Variants in NFIA observed in about 807,000 individuals in gnomAD.
NFIA encodes the protein nuclear factor I A.
A neutral mutation model predicts 62.8 loss-of-function variants in NFIA; 8 were observed. The ratio of observed to expected loss-of-function variants is 0.13; its 90% confidence interval spans 0.07 to 0.23. The LOEUF (loss-of-function observed/expected upper bound fraction) is 0.23. NFIA is among the 10% of genes least tolerant of loss of function. The pLI is 1.00. For synonymous variants in NFIA, 235 were observed against 238.1 expected (o/e 0.99, Z 0.12); for missense variants, 410 against 642.1 (o/e 0.64, Z 3.91).
intron 2 of NFIA, among the ~76,000 whole-genome samples, chr1:61,268,427 C>T (rs1657308693): frequency 6.6e-6 from 1 of 151,684 alleles, no homozygotes; most frequent in Admixed American, 6.6e-5. Flanking sequence ...CCCCCCGACA[C>T]CAATTCTTAA....
chr1:61,419,775 G>A (rs962159962), intron 9 of NFIA, among the ~76,000 whole-genome samples: 4 of 152,256 alleles, frequency 2.6e-5, no homozygotes, highest in East Asian at 3.9e-4. Context: ...TAGCATACAC[G>A]TTAAGCATTG....
intron 2 of NFIA, among the ~76,000 whole-genome samples, chr1:61,150,951 C>A (rs1226832388): frequency 1.3e-5 from 2 of 152,092 alleles, no homozygotes; most frequent in Admixed American, 1.3e-4. Context: ...GTTTCCCAGA[C>A]AGTTTTCAAA....
intron 3 of NFIA, among the ~76,000 whole-genome samples, chr1:61,328,562 C>T (rs1321354238): frequency 6.6e-6 from 1 of 151,920 alleles, no homozygotes; most frequent in Non-Finnish European, 1.5e-5. Flanking sequence ...GCTGGGATTA[C>T]AGGCAAGCGC....
chr1:61,169,285 C>T lies in NFIA; in HGVS notation c.559+80605C>T, dbSNP rs560561876. Among the ~76,000 whole-genome samples the T allele has an allele frequency of 1.1e-4, 16 of 152,264 alleles. No homozygotes were observed. The East Asian group carries it at 3.1e-3, about 29-fold the overall frequency. Reference sequence around the variant, plus strand: ...CAGAAGAGAGGATTCTAAATATTTACTCCTTTTTCCTTCCCACTATTCTGT... The same window carrying T: ...CAGAAGAGAGGATTCTAAATATTTATTCCTTTTTCCTTCCCACTATTCTGT... On this transcript the variant is annotated intron_variant, in intron 2 of 10. Transcript: ENST00000403491.
intron 2 of NFIA, among the ~76,000 whole-genome samples, chr1:61,175,370 G>A (rs1650269338): frequency 6.6e-6 from 1 of 152,094 alleles, no homozygotes; most frequent in South Asian, 2.1e-4. Context: ...TCAAACTCCT[G>A]GCCTCAAGGG....
intron 2 of NFIA, among the ~76,000 whole-genome samples, chr1:61,165,100 A>G (rs892910408): frequency 6.6e-6 from 1 of 152,194 alleles, no homozygotes; most frequent in African/African-American, 2.4e-5. Flanking sequence ...TTTCTTGGAA[A>G]AGTTTATTTA....
intron 8 of NFIA, 34 bp from the exon 9 acceptor site, chr1:61,406,528 G>C (rs61770547): frequency 4.0e-6 from 6 of 1,485,226 alleles, no homozygotes; most frequent in Non-Finnish European, 5.5e-6. Context: ...TCTTTTTCTT[G>C]TACGTGTGTT....
At chr1:61,220,675 G>C (rs1272691591) in intron 2 of NFIA, among the ~76,000 whole-genome samples, 3 of 152,102 alleles carry the variant, frequency 2.0e-5, no homozygotes, top group Non-Finnish European at 4.4e-5. Flanking sequence ...TATTTATCTT[G>C]GTTTGGCAAG....
rs555233272 is a variant in NFIA, at chr1:61,088,413, A to G, written c.292A>G (p.Lys98Glu). ...GGATTTTGTTCTTACAGTTACAGGG[A>G]AAAAACCTCCATGTTGTGTTCTTTC... ...REDFVLTVTG[K>E]KPPCCVLSNP... is the part of the protein sequence containing the mutation. The change falls in exon 2 of 11, where the codon AAA becomes GAA. Residue 98 changes from lysine to glutamate, a missense_variant. Lys to Glu is a moderately conservative substitution (Grantham distance 56, BLOSUM62 1). Coordinates refer to ENST00000403491, the MANE Select transcript of NFIA (RefSeq NM_001134673.4). This position sits in a 1 kb window ranked among gnomAD's most constrained non-coding sequence, Gnocchi z 4.5. 2 of 1,613,960 alleles carry G rather than the reference A, an allele frequency of 1.2e-6. No homozygotes were observed. The highest frequency in any genetic ancestry group is 1.3e-5 in the African/African-American group (1 of 74,966).
At chr1:61,307,321 C>T (rs1659854810) in intron 3 of NFIA, among the ~76,000 whole-genome samples, 2 of 152,146 alleles carry the variant, frequency 1.3e-5, no homozygotes, top group African/African-American at 2.4e-5. Flanking sequence ...GCCCTTCTGC[C>T]ACGTGAGGAT....
chr1:61,274,686 G>A (rs1339483913), intron 2 of NFIA, among the ~76,000 whole-genome samples: 1 of 152,210 alleles, frequency 6.6e-6, no homozygotes, highest in African/African-American at 2.4e-5. Flanking sequence ...GTATATAAAG[G>A]AGAAAAGTGA....
At chr1:61,341,053 C>T (rs529623921) in intron 4 of NFIA, among the ~76,000 whole-genome samples, 26 of 147,368 alleles carry the variant, frequency 1.8e-4, no homozygotes, top group African/African-American at 5.0e-4. Context: ...TCATCTGTAC[C>T]GGCATTCTTT....
intron 2 of NFIA, among the ~76,000 whole-genome samples, chr1:61,178,679 C>T (rs141459984): frequency 3.9e-5 from 6 of 152,312 alleles, no homozygotes; most frequent in Admixed American, 2.6e-4. Context: ...TGTTTGATAA[C>T]GAATTAATTG....
At chr1:61,177,110 A>C (rs1237110164) in intron 2 of NFIA, among the ~76,000 whole-genome samples, 1 of 144,168 alleles carries the variant, frequency 6.9e-6, no homozygotes, top group Non-Finnish European at 1.5e-5. Flanking sequence ...TGTCTCAACC[A>C]AAAAAAAAAA....
chr1:61,214,076 C>T (rs1292516510), intron 2 of NFIA, among the ~76,000 whole-genome samples: 5 of 152,082 alleles, frequency 3.3e-5, no homozygotes, highest in Non-Finnish European at 5.9e-5. Flanking sequence ...TAGGGTCAGC[C>T]GTGGTTGAGC....
intron 2 of NFIA, among the ~76,000 whole-genome samples, chr1:61,140,538 T>C (rs1424542444): frequency 6.6e-6 from 1 of 152,170 alleles, no homozygotes; most frequent in Non-Finnish European, 1.5e-5. Flanking sequence ...AGTTTTCTCT[T>C]CGCAATGGCT....
At chr1:61,439,166 C>T (rs1392132247) in intron 10 of NFIA, among the ~76,000 whole-genome samples, 1 of 152,056 alleles carries the variant, frequency 6.6e-6, no homozygotes, top group Non-Finnish European at 1.5e-5. Flanking sequence ...ACCCCCAAGC[C>T]CCCACACTCT....
At chr1:61,364,766 A>T (rs1403256483) in intron 6 of NFIA, among the ~76,000 whole-genome samples, 1 of 152,170 alleles carries the variant, frequency 6.6e-6, no homozygotes, top group Non-Finnish European at 1.5e-5. Flanking sequence ...TAGTATAGAC[A>T]ACCTCCCTGA....
chr1:61,159,472 A>G (rs1649030508), intron 2 of NFIA, among the ~76,000 whole-genome samples: 1 of 152,136 alleles, frequency 6.6e-6, no homozygotes, highest in Non-Finnish European at 1.5e-5. Context: ...CATTTCTGAC[A>G]AGCTCGCTGA....
Sources: allele counts gnomAD v4.1 joint callset (sites outside exome capture counted in the v4.1 genomes callset), GRCh38; gene constraint gnomAD v4.1.1; non-coding constraint Gnocchi (gnomAD v3.1); transcripts MANE v1.5; gene names NCBI Gene and HGNC (gene_info 2026-07-23, HGNC 2026-07-21).